The following PCDHA12 variants were observed in gnomAD, a reference collection of about 807,000 sequenced individuals.
The protein encoded by PCDHA12 is protocadherin alpha-12.
Under a neutral mutation model 60.0 loss-of-function variants are expected in PCDHA12, and 44 were observed. The observed-to-expected ratio is 0.73, with a 90% CI of 0.58 to 0.94. PCDHA12 has a LOEUF of 0.94. Ranked by LOEUF, PCDHA12 falls within the 40% of genes least tolerant of loss-of-function variation. The probability of loss-of-function intolerance (pLI) is 0.00; values close to 1 mark genes in which losing one functional copy is unlikely to be tolerated. For synonymous variants in PCDHA12, 569 were observed against 553.0 expected (o/e 1.03, Z -0.40); for missense variants, 1,276 against 1,239.7 (o/e 1.03, Z -0.44).
Position 140,920,446 on chromosome 5 carries a change from A to G in PCDHA12, c.2367+42607A>G, listed in dbSNP as rs2079636964. 2.6e-5 allele frequency among the ~76,000 whole-genome samples: 4 copies of G among 152,114 alleles called. No homozygotes were observed. In the South Asian group the frequency reaches 8.3e-4, roughly 31 times the overall value. On this transcript the variant is annotated intron_variant, in intron 1 of 3. Coordinates refer to ENST00000398631, the MANE Select transcript of PCDHA12 (RefSeq NM_018903.4). ...CTCCCACACACCTCTTTTATACTGT[A>G]ATTGACAAATTTGTTATATTTCTGT...
chr5:140,884,819 A>G (rs782729760), intron 1 of PCDHA12: 398 of 1,018,150 alleles, frequency 3.9e-4, no homozygotes, highest in Admixed American at 1.1e-3. Context: ...TGTGGACATT[A>G]TGTGTTGGAT....
At chr5:140,890,688 T>C (rs570229410) in intron 1 of PCDHA12, among the ~76,000 whole-genome samples, 4 of 152,334 alleles carry the variant, frequency 2.6e-5, no homozygotes, top group Admixed American at 2.6e-4. Flanking sequence ...TTCTGGGAAA[T>C]GCAGGGACCT....
intron 1 of PCDHA12, among the ~76,000 whole-genome samples, chr5:140,975,119 A>C (rs2096654213): frequency 6.6e-6 from 1 of 152,038 alleles, no homozygotes; most frequent in African/African-American, 2.4e-5. Context: ...CTGTTTTCCT[A>C]CTTACTATTG....
intron 3 of PCDHA12, among the ~76,000 whole-genome samples, chr5:141,000,395 C>CTATA (rs1190667031): frequency 1.7e-4 from 9 of 53,980 alleles, no homozygotes; most frequent in Admixed American, 6.3e-4. Flanking sequence ...CTCTCTCTCT[C>CTATA]TATATATATA....
At chr5:140,976,691 C>G (rs1219355793) in intron 1 of PCDHA12, among the ~76,000 whole-genome samples, 1 of 152,126 alleles carries the variant, frequency 6.6e-6, no homozygotes. Context: ...AATTTAAGTA[C>G]AATAATGTTG....
intron 1 of PCDHA12, 26 bp downstream of exon 1, chr5:140,877,865 T>C (rs1554170196): frequency 1.3e-6 from 2 of 1,496,610 alleles, no homozygotes; most frequent in South Asian, 2.8e-5. Flanking sequence ...TATTTAGATA[T>C]ATTTGTTTCC....
intron 3 of PCDHA12, among the ~76,000 whole-genome samples, chr5:140,985,935 T>C (rs1563529145): frequency 6.6e-6 from 1 of 151,974 alleles, no homozygotes; most frequent in African/African-American, 2.4e-5. Context: ...GAGCCGGGGT[T>C]TCACTGTGTT....
intron 1 of PCDHA12, chr5:140,884,167 G>A: frequency 4.3e-6 from 7 of 1,613,412 alleles, no homozygotes; most frequent in Non-Finnish European, 5.1e-6. Context: ...AGATCAGCAC[G>A]ACGCGCCCTC....
At chr5:140,888,159 C>T (rs1468895090) in intron 1 of PCDHA12, among the ~76,000 whole-genome samples, 1 of 152,080 alleles carries the variant, frequency 6.6e-6, no homozygotes, top group Non-Finnish European at 1.5e-5. Flanking sequence ...GACTGGTAAT[C>T]TCTAATAAGA....
intron 1 of PCDHA12, among the ~76,000 whole-genome samples, chr5:140,941,214 C>CCTTTCTTTCTTCCTTT (rs2092876516): frequency 8.2e-6 from 1 of 122,414 alleles, no homozygotes; most frequent in Non-Finnish European, 1.7e-5. Context: ...TTTCTTTCTT[C>CCTTTCTTTCTTCCTTT]CTTTCTTTCT....
At chr5:140,964,658 G>T (rs2095846855) in intron 1 of PCDHA12, among the ~76,000 whole-genome samples, 1 of 151,968 alleles carries the variant, frequency 6.6e-6, no homozygotes, top group Admixed American at 6.6e-5. Context: ...AATGGGTGAG[G>T]ACACAGGCCA....
chr5:140,947,585 G>C (rs773594834), intron 1 of PCDHA12, among the ~76,000 whole-genome samples: 5 of 151,544 alleles, frequency 3.3e-5, no homozygotes, highest in Non-Finnish European at 3.0e-5. Context: ...TTAACATTTA[G>C]ATCAATTTAG....
chr5:140,941,963 T>A (rs2093209364), intron 1 of PCDHA12, among the ~76,000 whole-genome samples: 1 of 152,230 alleles, frequency 6.6e-6, no homozygotes. Flanking sequence ...CAATAGTATC[T>A]TTACTTTCCC....
chr5:140,928,280 C>A, intron 1 of PCDHA12: 1 of 1,614,194 alleles, frequency 6.2e-7, no homozygotes, highest in Non-Finnish European at 8.5e-7. Context: ...CCTGGGGCCT[C>A]TCTAGGCCGA....
Position 140,972,810 on chromosome 5 carries a change from C to T in PCDHA12, c.2368-6139C>T, listed in dbSNP as rs546110006. 7.2e-5 allele frequency among the ~76,000 whole-genome samples: 11 copies of T among 151,984 alleles called. No homozygotes were observed. In the East Asian group the frequency reaches 9.7e-4, roughly 13 times the overall value. On this transcript the variant is annotated intron_variant, in intron 1 of 3. Transcript: ENST00000398631. ...TCCTGAGTAGCTGAGATTACAGGCA[C>T]GCGCCACCACGCCTGGCTAATTTTT...
At chr5:140,968,346 C>A in intron 1 of PCDHA12, 2 of 1,614,090 alleles carry the variant, frequency 1.2e-6, no homozygotes, top group Non-Finnish European at 1.7e-6. Context: ...ATTAACAGTG[C>A]CAGTGGCAGC....
chr5:140,974,322 G>A (rs11743888), intron 1 of PCDHA12, among the ~76,000 whole-genome samples: 7,497 of 152,260 alleles, frequency 0.049, 207 homozygotes, highest in Middle Eastern at 0.068. Flanking sequence ...GAGAGTAGCT[G>A]CTGTGCTAGC....
chr5:140,958,677 G>C (rs917513084), intron 1 of PCDHA12, among the ~76,000 whole-genome samples: 3 of 152,090 alleles, frequency 2.0e-5, no homozygotes, highest in Non-Finnish European at 2.9e-5. Context: ...TAATTATAAA[G>C]GATATTGAAT....
intron 1 of PCDHA12, among the ~76,000 whole-genome samples, chr5:140,947,108 T>G (rs1419361342): frequency 6.6e-6 from 1 of 151,486 alleles, no homozygotes; most frequent in East Asian, 1.9e-4. Context: ...AATAGGTACG[T>G]GTCAATTAAA....
Sources: gnomAD v4.1 joint callset for allele counts (sites outside exome capture counted in the v4.1 genomes callset) on GRCh38, gnomAD v4.1.1 for gene constraint, MANE v1.5 for transcripts, NCBI Gene and HGNC (gene_info 2026-07-23, HGNC 2026-07-21) for gene names.